Variants in ROBO2 observed in about 807,000 individuals in gnomAD.
The protein encoded by ROBO2 is roundabout guidance receptor 2.
In ROBO2, 53 loss-of-function variants were observed where a neutral mutation model predicts 160.8. That is an observed-to-expected ratio of 0.33 (90% CI 0.26 to 0.41). The LOEUF is 0.41. Among genes scored for constraint, ROBO2 ranks in the 10% least tolerant of loss-of-function variants. ROBO2 has a pLI of 1.00. For synonymous variants in ROBO2, 664 were observed against 611.7 expected, an observed-to-expected ratio of 1.09 and a Z score of -1.26; for missense variants, 1,577 against 1,722.4, an observed-to-expected ratio of 0.92 and a Z score of 1.49.
At chr3:77,580,167 A>G in intron 16 of ROBO2, 49 bp downstream of exon 17, 1 of 1,578,060 alleles carries the variant, frequency 6.3e-7, no homozygotes, top group Middle Eastern at 1.7e-4. Context: ...TCAGCTGACA[A>G]GGTGGATGAT....
chr3:77,228,002 A>T (rs2086692746), intron 2 of ROBO2, among the ~76,000 whole-genome samples: 1 of 152,226 alleles, frequency 6.6e-6, no homozygotes, highest in Non-Finnish European at 1.5e-5. Flanking sequence ...AAACATGCTG[A>T]ACTTAAAGCC....
intron 2 of ROBO2, among the ~76,000 whole-genome samples, chr3:76,442,429 G>A (rs1161174107): frequency 6.6e-6 from 1 of 152,004 alleles, no homozygotes; most frequent in Admixed American, 6.6e-5. Flanking sequence ...TAAAACTACC[G>A]TGCGTTATTC....
At chr3:77,418,788 A>G (rs10470556) in intron 2 of ROBO2, among the ~76,000 whole-genome samples, 18,522 of 152,072 alleles carry the variant, frequency 0.12, 1,362 homozygotes, top group East Asian at 0.27. Flanking sequence ...TAAAAACTAT[A>G]AACTATGGGA....
chr3:77,573,357 C>T (rs1218843193), intron 13 of ROBO2, among the ~76,000 whole-genome samples: 1 of 151,694 alleles, frequency 6.6e-6, no homozygotes, highest in Admixed American at 6.6e-5. Context: ...TTTAATCTTG[C>T]ATTTTTATAT....
At chr3:75,907,806 T>C (rs140561247) in intron 1 of ROBO2, among the ~76,000 whole-genome samples, 1 of 152,222 alleles carries the variant, frequency 6.6e-6, no homozygotes, top group East Asian at 1.9e-4. Context: ...CAGAACTTCC[T>C]TCACTTATTT....
intron 2 of ROBO2, among the ~76,000 whole-genome samples, chr3:76,409,628 G>T (rs982529301): frequency 2.0e-5 from 3 of 152,048 alleles, no homozygotes; most frequent in Admixed American, 6.6e-5. Context: ...GTAACTTGAA[G>T]CATGTTATCT....
At chr3:76,545,494 A>G (rs906273098) in intron 2 of ROBO2, among the ~76,000 whole-genome samples, 4 of 151,984 alleles carry the variant, frequency 2.6e-5, no homozygotes, top group African/African-American at 4.8e-5. Flanking sequence ...GGAAACTGAG[A>G]TGATTCTCCT....
chr3:76,127,085 C>T lies in ROBO2; in HGVS notation c.109+189483C>T, dbSNP rs2071018869. The stretch of plus-strand genomic sequence containing the variant: ...TAGCTATCATGAGAGTTCTTAGATG[C>T]TCAGGAATTTTTGAAGCAAAGCTTT... On this transcript the variant is annotated intron_variant, in intron 2 of 26. Transcript: ENST00000487694. 7.2e-5 allele frequency among the ~76,000 whole-genome samples: 11 copies of T among 152,234 alleles called. No homozygotes were observed. The South Asian group carries it at 2.3e-3, about 32-fold the overall frequency.
At chr3:76,392,340 T>C (rs1408503227) in intron 2 of ROBO2, among the ~76,000 whole-genome samples, 1 of 152,194 alleles carries the variant, frequency 6.6e-6, no homozygotes, top group African/African-American at 2.4e-5. Flanking sequence ...TTTGTGTTCA[T>C]GCATAGTGAA....
At chr3:77,390,568 G>T (rs1341871957) in intron 2 of ROBO2, among the ~76,000 whole-genome samples, 1 of 152,012 alleles carries the variant, frequency 6.6e-6, no homozygotes, top group Non-Finnish European at 1.5e-5. Flanking sequence ...TAACTGTGAG[G>T]ACTCCCCAGC....
At chr3:77,476,652 C>A (rs1163687020) in intron 2 of ROBO2, among the ~76,000 whole-genome samples, 2 of 152,044 alleles carry the variant, frequency 1.3e-5, no homozygotes, top group African/African-American at 4.8e-5. Flanking sequence ...AGCAGAGAAG[C>A]ACAAGTAGAT....
At chr3:76,232,233 T>A (rs960726703) in intron 2 of ROBO2, among the ~76,000 whole-genome samples, 2 of 152,202 alleles carry the variant, frequency 1.3e-5, no homozygotes, top group Non-Finnish European at 2.9e-5. Flanking sequence ...ATTACATTTT[T>A]AAGCATCTCA....
At chr3:77,206,010 A>G (rs1266097915) in intron 2 of ROBO2, among the ~76,000 whole-genome samples, 1 of 152,124 alleles carries the variant, frequency 6.6e-6, no homozygotes, top group Non-Finnish European at 1.5e-5. Context: ...GCCCTGAGGA[A>G]GGATCCTTCT....
At chr3:76,189,973 T>C (rs1701932679) in intron 2 of ROBO2, among the ~76,000 whole-genome samples, 1 of 152,110 alleles carries the variant, frequency 6.6e-6, no homozygotes, top group African/African-American at 2.4e-5. Context: ...TGCCCAGAGA[T>C]GTACAGAACA....
In ROBO2 at chr3:77,010,443, G is replaced by A. The variant is rs893342542; in HGVS notation, c.110-87571G>A. Reference sequence around the variant, plus strand: ...TAACATTCTCCAAAGACATCTCCGCGTTTATAATAAAAGCCACCTCTTTAT... The same window carrying A: ...TAACATTCTCCAAAGACATCTCCGCATTTATAATAAAAGCCACCTCTTTAT... On this transcript the variant is annotated intron_variant, in intron 2 of 26. Coordinates refer to the ROBO2 transcript ENST00000487694. Among the ~76,000 whole-genome samples the A allele has an allele frequency of 5.3e-5, 8 of 152,048 alleles. No individual in the cohort carries two copies. The South Asian group carries it at 6.2e-4, about 12-fold the overall frequency.
At chr3:76,444,336 A>T (rs2077068904) in intron 2 of ROBO2, among the ~76,000 whole-genome samples, 1 of 152,182 alleles carries the variant, frequency 6.6e-6, no homozygotes, top group Non-Finnish European at 1.5e-5. Context: ...AACTTAAAAA[A>T]TCTAGTAATC....
intron 2 of ROBO2, among the ~76,000 whole-genome samples, chr3:76,630,935 T>C (rs1433696637): frequency 3.9e-5 from 6 of 152,168 alleles, no homozygotes; most frequent in Non-Finnish European, 8.8e-5. Context: ...GGAACACATT[T>C]CTCTTCGATG....
At chr3:76,971,660 C>G (rs73104494) in intron 2 of ROBO2, among the ~76,000 whole-genome samples, 27,237 of 152,124 alleles carry the variant, frequency 0.18, 3,013 homozygotes, top group Admixed American at 0.27. Context: ...CTTATGGACA[C>G]ATAATAGTTC....
chr3:76,851,276 G>A (rs951168367), intron 2 of ROBO2, among the ~76,000 whole-genome samples: 4 of 152,100 alleles, frequency 2.6e-5, no homozygotes, highest in African/African-American at 9.7e-5. Flanking sequence ...CACATTTCAA[G>A]TGCTCAATAA....
Sources: gnomAD v4.1 joint callset for allele counts (sites outside exome capture counted in the v4.1 genomes callset) on GRCh38, gnomAD v4.1.1 for gene constraint, MANE v1.5 for transcripts, NCBI Gene and HGNC (gene_info 2026-07-23, HGNC 2026-07-21) for gene names.